The following DLC1 variants were observed in gnomAD, a reference collection of about 807,000 sequenced individuals.
DLC1 encodes the protein DLC1 Rho GTPase activating protein.
A neutral mutation model predicts 140.3 loss-of-function variants in DLC1; 54 were observed. That is an observed-to-expected ratio of 0.38 (90% CI 0.31 to 0.48). The LOEUF is 0.48. Among genes scored for constraint, DLC1 ranks in the 20% least tolerant of loss-of-function variants. The pLI, the probability that DLC1 is intolerant of heterozygous loss-of-function variation, is 0.96. For missense variants in DLC1, 2,536 were observed against 1,907.0 expected, an observed-to-expected ratio of 1.33 and a Z score of -6.14; for synonymous variants, 986 against 728.1, an observed-to-expected ratio of 1.35 and a Z score of -5.70.
chr8:13,336,393 C>G (rs1833811909), intron 4 of DLC1, among the ~76,000 whole-genome samples: 1 of 152,100 alleles, frequency 6.6e-6, no homozygotes, highest in African/African-American at 2.4e-5. Context: ...ATTTTTCAGA[C>G]TACGAAAAGT....
chr8:13,446,909 T>A (rs117361245), intron 2 of DLC1, among the ~76,000 whole-genome samples: 4,684 of 150,600 alleles, frequency 0.031, 92 homozygotes, highest in Middle Eastern at 0.055. Flanking sequence ...GCCATTGTAC[T>A]TCAGCCTGGG....
chr8:13,439,145 T>C (rs1839249219), intron 2 of DLC1, among the ~76,000 whole-genome samples: 1 of 152,062 alleles, frequency 6.6e-6, no homozygotes, highest in Admixed American at 6.6e-5. Context: ...GCAAACATGG[T>C]GAATTCCGTC....
At chr8:13,539,206 T>C (rs1803402292) in intron 1 of DLC1, among the ~76,000 whole-genome samples, 1 of 152,046 alleles carries the variant, frequency 6.6e-6, no homozygotes, top group African/African-American at 2.4e-5. Context: ...TATGTATGTA[T>C]GTATTTATTT....
chr8:13,146,715 T>G (rs1006232943), intron 5 of DLC1, among the ~76,000 whole-genome samples: 3 of 152,124 alleles, frequency 2.0e-5, no homozygotes, highest in Non-Finnish European at 4.4e-5. Context: ...ATTAGAATGC[T>G]TAAAGTTGAG....
At chr8:13,126,739 T>C (rs1353839013) in intron 5 of DLC1, among the ~76,000 whole-genome samples, 1 of 152,232 alleles carries the variant, frequency 6.6e-6, no homozygotes, top group Admixed American at 6.5e-5. Context: ...CTCTTTCTTT[T>C]ACATATGTTA....
intron 5 of DLC1, among the ~76,000 whole-genome samples, chr8:13,187,762 G>C (rs1382257333): frequency 6.6e-6 from 1 of 152,174 alleles, no homozygotes; most frequent in Non-Finnish European, 1.5e-5. Context: ...TACCTCTGCA[G>C]AGGCACCACT....
chr8:13,198,780 G>A (rs1209172198), intron 5 of DLC1, among the ~76,000 whole-genome samples: 9 of 151,030 alleles, frequency 6.0e-5, no homozygotes, highest in Non-Finnish European at 2.9e-5. Flanking sequence ...AACAGTGTGC[G>A]ATCTTGGCTC....
chr8:13,445,942 A>G (rs1245229218), intron 2 of DLC1, among the ~76,000 whole-genome samples: 1 of 152,182 alleles, frequency 6.6e-6, no homozygotes, highest in Non-Finnish European at 1.5e-5. Context: ...AAAAACTTCG[A>G]TAACCCTAAG....
intron 2 of DLC1, among the ~76,000 whole-genome samples, chr8:13,496,854 G>A (rs996117569): frequency 1.6e-5 from 2 of 126,682 alleles, no homozygotes; most frequent in Non-Finnish European, 3.1e-5. Context: ...AGGCTGGAGT[G>A]CAGTGGTGCA....
intron 4 of DLC1, among the ~76,000 whole-genome samples, chr8:13,370,144 C>T (rs949465606): frequency 3.3e-5 from 5 of 151,724 alleles, no homozygotes; most frequent in Non-Finnish European, 7.4e-5. Flanking sequence ...TAAAGCCTAC[C>T]TTGATCACTT....
chr8:13,134,285 A>T (rs1301046113), intron 5 of DLC1, among the ~76,000 whole-genome samples: 1 of 152,236 alleles, frequency 6.6e-6, no homozygotes, highest in Non-Finnish European at 1.5e-5. Flanking sequence ...TCTCTGGGCA[A>T]GGAAGACTAC....
intron 2 of DLC1, 88 bp from the exon 3 acceptor site, chr8:13,401,707 G>T: frequency 6.7e-7 from 1 of 1,499,710 alleles, no homozygotes; most frequent in East Asian, 2.3e-5. Flanking sequence ...GTGACAAAAA[G>T]TACACTGGAT....
At chr8:13,266,392 T>C (rs758364360) in intron 5 of DLC1, among the ~76,000 whole-genome samples, 1 of 152,174 alleles carries the variant, frequency 6.6e-6, no homozygotes, top group Non-Finnish European at 1.5e-5. Context: ...GAAAAAGGCC[T>C]AGTTTCTCCC....
At chr8:13,188,588 A>G (rs1389931531) in intron 5 of DLC1, among the ~76,000 whole-genome samples, 1 of 144,690 alleles carries the variant, frequency 6.9e-6, no homozygotes, top group Non-Finnish European at 1.5e-5. Context: ...CTATATTTCT[A>G]TACAATGTCT....
At position 13,418,592 on chromosome 8, in the gene DLC1, G is replaced by A. The variant is rs1478478016; in HGVS notation, c.1024-16973C>T. Among the ~76,000 whole-genome samples the A allele has an allele frequency of 1.3e-5, 2 of 152,174 alleles. 1 individual carries two copies. Among genetic ancestry groups the A allele is most frequent in the East Asian group, 3.8e-4 (2 of 5,202 alleles). On this transcript the variant is annotated intron_variant, in intron 2 of 17. Coordinates refer to ENST00000276297, the MANE Select transcript of DLC1 (RefSeq NM_182643.3). Reference sequence around the variant, plus strand: ...GATCTATATCTCTATTTTGGTACCAGTACCATGCTGTTTTGGTTACTGTAG... The same window carrying A: ...GATCTATATCTCTATTTTGGTACCAATACCATGCTGTTTTGGTTACTGTAG...
intron 2 of DLC1, among the ~76,000 whole-genome samples, chr8:13,425,499 G>T (rs1838530239): frequency 6.6e-6 from 1 of 152,160 alleles, no homozygotes; most frequent in East Asian, 1.9e-4. Flanking sequence ...TGATAGAATG[G>T]TTCGCTTTCT....
chr8:13,553,155 T>C (rs1803920015), intron 1 of DLC1, among the ~76,000 whole-genome samples: 1 of 143,498 alleles, frequency 7.0e-6, no homozygotes, highest in South Asian at 2.2e-4. Context: ...TAATTATCAA[T>C]AAAGTAACAT....
At chr8:13,533,211 C>T (rs1038096626) in intron 1 of DLC1, among the ~76,000 whole-genome samples, 13 of 150,846 alleles carry the variant, frequency 8.6e-5, no homozygotes, top group Non-Finnish European at 1.0e-4. Flanking sequence ...AATATAACCA[C>T]GAACAATGTT....
chr8:13,094,993 C>G, intron 11 of DLC1, 36 bp from the exon 12 acceptor site: 1 of 1,613,958 alleles, frequency 6.2e-7, no homozygotes, highest in Non-Finnish European at 8.5e-7. Context: ...GGGGTACATT[C>G]ACGTGGACGC....
Sources: allele counts gnomAD v4.1 joint callset (sites outside exome capture counted in the v4.1 genomes callset), GRCh38; gene constraint gnomAD v4.1.1; transcripts MANE v1.5; gene names NCBI Gene and HGNC (gene_info 2026-07-23, HGNC 2026-07-21).